Variants in ENSA observed in about 807,000 individuals in gnomAD.
ENSA encodes alpha-endosulfine.
A neutral mutation model predicts 16.8 loss-of-function variants in ENSA; 7 were observed. That is an observed-to-expected ratio of 0.42 (90% CI 0.24 to 0.78). The LOEUF is 0.78. ENSA is among the 30% of genes least tolerant of loss of function. The probability of loss-of-function intolerance (pLI) is 0.29; values close to 1 mark genes in which losing one functional copy is unlikely to be tolerated. For missense variants in ENSA, 87 were observed against 142.3 expected (o/e 0.61, Z 1.98); for synonymous variants, 58 against 53.4 (o/e 1.09, Z -0.37).
Position 150,629,404 on chromosome 1 carries a change from T to G in ENSA, c.57+10A>C, listed in dbSNP as rs1175967344. The G allele has an allele frequency of 5.6e-6, 9 of 1,612,688 alleles. No homozygotes were observed. The highest frequency in any genetic ancestry group is 3.3e-5 in the Admixed American group (2 of 59,848). Reference sequence around the variant, plus strand: ...CCCCAGCTCGCCCGCCCGCACCCCTTCCACTTCACCTGCTTCTCCTCGCCG... The same window carrying G: ...CCCCAGCTCGCCCGCCCGCACCCCTGCCACTTCACCTGCTTCTCCTCGCCG... On this transcript the variant is annotated intron_variant, in intron 1 of 3. Coordinates refer to ENST00000369014, the MANE Select transcript of ENSA (RefSeq NM_004436.4).
chr1:150,621,713 C>G (rs949763089), downstream of ENSA: 1 of 152,156 alleles, frequency 6.6e-6, no homozygotes, highest in Non-Finnish European at 1.5e-5. Flanking sequence ...CTGCTGGCCA[C>G]CAGCAGAAAG....
intron 2 of ENSA, chr1:150,626,462 AG>A: frequency 6.2e-7 from 1 of 1,608,628 alleles, no homozygotes; most frequent in Non-Finnish European, 8.5e-7. Context: ...GATCCTCCAC[AG>A]GGATGTTTCA....
Position 150,622,818 on chromosome 1 carries a change from A to G in ENSA, c.*26T>C, listed in dbSNP as rs770662033. 1.3e-6 allele frequency: 2 copies of G among 1,540,802 alleles called. No homozygotes were observed. The highest frequency in any genetic ancestry group is 1.8e-6 in the Non-Finnish European group (2 of 1,140,338). ...GTGGGGCAGGGAGGGGAAGCGTCTC[A>G]GGATCTGGCAGAGCCCCGGGCAGCA... On this transcript the variant is annotated 3_prime_UTR_variant, in exon 4 of 4. Coordinates refer to ENST00000369014, the MANE Select transcript of ENSA (RefSeq NM_004436.4).
chr1:150,621,636 TTC>T (rs1406188224), downstream of ENSA: 2 of 152,192 alleles, frequency 1.3e-5, no homozygotes, highest in Non-Finnish European at 2.9e-5. Context: ...AGCTTTTAAC[TTC>T]TTTCAGTAGC....
Position 150,622,832 on chromosome 1 carries a change from C to T in ENSA, c.*12G>A. Reference sequence around the variant, plus strand: ...GGAAGCGTCTCAGGATCTGGCAGAGCCCCGGGCAGCATCATTCAACTTGGC... The same window carrying T: ...GGAAGCGTCTCAGGATCTGGCAGAGTCCCGGGCAGCATCATTCAACTTGGC... On this transcript the variant is annotated 3_prime_UTR_variant, in exon 4 of 4. Transcript: ENST00000369014. 1 of 1,559,746 alleles carries T rather than the reference C, an allele frequency of 6.4e-7. No homozygotes were observed. The highest frequency in any genetic ancestry group is 8.7e-7 in the Non-Finnish European group (1 of 1,151,876).
intron 3 of ENSA, chr1:150,623,348 C>T (rs1340638354): frequency 1.0e-6 from 1 of 986,316 alleles, no homozygotes; most frequent in African/African-American, 1.7e-5. Flanking sequence ...GGAATGACCA[C>T]TCCTTGCTAA....
At chr1:150,626,978 G>T in intron 2 of ENSA, 1 of 978,732 alleles carries the variant, frequency 1.0e-6, no homozygotes, top group Non-Finnish European at 1.3e-6. Flanking sequence ...CTCTGAACAA[G>T]AAAAATACAT....
At chr1:150,625,899 C>T (rs751077135) in intron 2 of ENSA, 91 bp from the exon 3 acceptor site, 9 of 1,477,532 alleles carry the variant, frequency 6.1e-6, no homozygotes, top group African/African-American at 5.7e-5. Context: ...TATAAACCCT[C>T]ATGCACACTC....
At chr1:150,629,193 G>A in intron 1 of ENSA, 1 of 1,604,526 alleles carries the variant, frequency 6.2e-7, no homozygotes, top group Non-Finnish European at 8.5e-7. Context: ...TGAGCGGTAG[G>A]CCTATTGGCC....
rs1254535109 is a variant in ENSA at position 150,629,237 on chromosome 1, AC to A, written c.57+176del. The A allele has an allele frequency of 2.0e-6, 3 of 1,527,456 alleles. No individual in the cohort carries two copies. The African/African-American group carries it at 4.1e-5, about 21-fold the overall frequency. The allele number at this position is 1,527,456 out of a possible 1,614,324, so 94.6% of individuals were successfully genotyped here. A position where few individuals can be genotyped will look rare whatever the true frequency, so the allele number is the denominator to read the frequency against. ...AGAGTACAGTACTGAGTGACAAACG[AC>A]CCAACTAACCAGCGCCAAAGCAGCA... is the stretch of plus-strand genomic sequence containing the variant. On this transcript the variant is annotated intron_variant, in intron 1 of 3. Coordinates refer to ENST00000369014, the MANE Select transcript of ENSA (RefSeq NM_004436.4).
In ENSA at chr1:150,629,550, C is replaced by G. The variant is rs1323195466; in HGVS notation, c.-80G>C. 1 of 1,538,338 alleles carries G rather than the reference C, an allele frequency of 6.5e-7. No individual in the cohort carries two copies. The highest frequency in any genetic ancestry group is 8.8e-7 in the Non-Finnish European group (1 of 1,132,868). ...AAGGGGGAGGGGAAACGGGGACAAC[C>G]TGCGCTGCTGCTTCGGCTCCTGTCA... On this transcript the variant is annotated 5_prime_UTR_variant, in exon 1 of 4. Transcript: ENST00000369014.
At chr1:150,626,227 C>T (rs1439759763) in intron 2 of ENSA, among the ~76,000 whole-genome samples, 5 of 152,174 alleles carry the variant, frequency 3.3e-5, no homozygotes, top group African/African-American at 1.2e-4. Context: ...GCTATCCTAG[C>T]CACCAGGAGA....
chr1:150,629,213 G>A (rs1649567685), intron 1 of ENSA: 1 of 1,584,084 alleles, frequency 6.3e-7, no homozygotes. Context: ...CAATCAGGAA[G>A]AGTACAGTAC....
rs57705271 is a variant in ENSA at position 150,628,102 on chromosome 1, G to A, written c.58-510C>T. 1.8e-3 allele frequency among the ~76,000 whole-genome samples: 273 copies of A among 152,262 alleles called. 1 individual carries two copies. Among genetic ancestry groups the A allele is most frequent in the African/African-American group, 6.1e-3 (252 of 41,550 alleles). ...ACTTGAGCTCATGAATTCACTACCC[G>A]CCTGGGCAATATGTTGAAACCCCGT... On this transcript the variant is annotated intron_variant, in intron 1 of 3. Transcript: ENST00000369014.
chr1:150,628,849 C>A (rs1411029027), intron 1 of ENSA, among the ~76,000 whole-genome samples: 2 of 152,178 alleles, frequency 1.3e-5, no homozygotes, highest in Non-Finnish European at 2.9e-5. Context: ...TAGCCCTCTT[C>A]AATATTGCTG....
rs191097653 is a variant in ENSA at position 150,627,674 on chromosome 1, C to A, written c.58-82G>T. Reference sequence around the variant, plus strand: ...CATCTGATAACAACTATACTATCAACTTCTCCTGGAAATCCACCCACTTGT... The same window carrying A: ...CATCTGATAACAACTATACTATCAAATTCTCCTGGAAATCCACCCACTTGT... On this transcript the variant is annotated intron_variant, in intron 1 of 3. Transcript: ENST00000369014. 3,785 of 1,444,716 alleles carry A rather than the reference C, an allele frequency of 2.6e-3. 12 individuals carry two copies. Among genetic ancestry groups the A allele is most frequent in the South Asian group, 6.5e-3 (480 of 73,566 alleles). The allele number at this position is 1,444,716 out of a possible 1,614,324, so 89.5% of individuals were successfully genotyped here.
chr1:150,624,343 G>C, intron 3 of ENSA: 1 of 985,880 alleles, frequency 1.0e-6, no homozygotes, highest in Non-Finnish European at 1.2e-6. Flanking sequence ...AGCCCTGCAG[G>C]AGTACTCAGC....
chr1:150,627,079 G>T, intron 2 of ENSA: 1 of 1,335,116 alleles, frequency 7.5e-7, no homozygotes. Context: ...TTCTGTAGGA[G>T]AGATGGTTTG....
rs1203936007 is a variant in ENSA, at chr1:150,629,394, C to T, written c.57+20G>A. 6 of 1,610,426 alleles carry T rather than the reference C, an allele frequency of 3.7e-6. No individual in the cohort carries two copies. The highest frequency in any genetic ancestry group is 1.1e-5 in the South Asian group (1 of 90,582). ...ATCACGGTCTCCCCAGCTCGCCCGC[C>T]CGCACCCCTTCCACTTCACCTGCTT... On this transcript the variant is annotated intron_variant, in intron 1 of 3. Coordinates refer to ENST00000369014, the MANE Select transcript of ENSA (RefSeq NM_004436.4).
Sources: allele counts gnomAD v4.1 joint callset (sites outside exome capture counted in the v4.1 genomes callset), GRCh38; gene constraint gnomAD v4.1.1; transcripts MANE v1.5; gene names NCBI Gene and HGNC (gene_info 2026-07-23, HGNC 2026-07-21).